Variants in MBD5 observed in about 807,000 individuals in gnomAD.
MBD5 encodes methyl-CpG binding domain protein 5.
In MBD5, 13 loss-of-function variants were observed where a neutral mutation model predicts 117.3. The observed-to-expected ratio is 0.11, with a 90% CI of 0.07 to 0.18. MBD5 has a LOEUF of 0.18. MBD5 is among the 10% of genes least tolerant of loss of function. The pLI, the probability that MBD5 is intolerant of heterozygous loss-of-function variation, is 1.00. For missense variants in MBD5, 1,879 were observed against 2,093.8 expected (o/e 0.90, Z 2.00); for synonymous variants, 727 against 766.4 (o/e 0.95, Z 0.85).
chr2:148,330,043 G>GCC (rs1189961812), intron 3 of MBD5, among the ~76,000 whole-genome samples: 187 of 7,846 alleles, frequency 0.024, 11 homozygotes, highest in African/African-American at 0.082. Context: ...ACCCCCCCCC[G>GCC]CCCCCCCCAC....
intron 2 of MBD5, among the ~76,000 whole-genome samples, chr2:148,187,826 G>A (rs1408626366): frequency 1.3e-5 from 2 of 151,962 alleles, no homozygotes; most frequent in Non-Finnish European, 2.9e-5. Context: ...ATGGAAACTC[G>A]ATCTCTTCAG....
At chr2:148,075,787 G>A (rs1695494477) in intron 1 of MBD5, among the ~76,000 whole-genome samples, 1 of 152,012 alleles carries the variant, frequency 6.6e-6, no homozygotes, top group Non-Finnish European at 1.5e-5. Context: ...TACAGTTTCT[G>A]TAACTGTAGT....
intron 1 of MBD5, among the ~76,000 whole-genome samples, chr2:148,166,355 G>C (rs147465327): frequency 6.6e-6 from 1 of 152,110 alleles, no homozygotes; most frequent in Non-Finnish European, 1.5e-5. Context: ...TGCTGCTCTG[G>C]GTAGGATTTG....
At chr2:148,356,727 C>T (rs900092517) in intron 4 of MBD5, among the ~76,000 whole-genome samples, 2 of 152,060 alleles carry the variant, frequency 1.3e-5, no homozygotes, top group African/African-American at 2.4e-5. Context: ...TTCCAACTCT[C>T]CATTATATAA....
chr2:148,336,666 C>A (rs941035532), intron 3 of MBD5, among the ~76,000 whole-genome samples: 17 of 152,210 alleles, frequency 1.1e-4, no homozygotes, highest in African/African-American at 4.1e-4. Flanking sequence ...GGATTACAGA[C>A]ATGAGCCACC....
chr2:148,416,790 T>C (rs1002559385), intron 4 of MBD5, among the ~76,000 whole-genome samples: 2 of 152,190 alleles, frequency 1.3e-5, no homozygotes, highest in Non-Finnish European at 2.9e-5. Context: ...CTCATCTGAG[T>C]ATCCAATGTT....
At chr2:148,150,231 G>C (rs1445754668) in intron 1 of MBD5, among the ~76,000 whole-genome samples, 4 of 148,688 alleles carry the variant, frequency 2.7e-5, no homozygotes, top group Admixed American at 6.8e-5. Flanking sequence ...TCTCAGGTTT[G>C]TCAAAGATCA....
intron 4 of MBD5, among the ~76,000 whole-genome samples, chr2:148,376,080 A>C (rs1204510212): frequency 6.6e-6 from 1 of 151,024 alleles, no homozygotes; most frequent in Non-Finnish European, 1.5e-5. Context: ...ACACATACTC[A>C]GAATGATAAT....
intron 4 of MBD5, among the ~76,000 whole-genome samples, chr2:148,348,248 C>T (rs994395168): frequency 2.0e-5 from 3 of 151,850 alleles, no homozygotes; most frequent in Non-Finnish European, 4.4e-5. Context: ...AACTTTAGCC[C>T]GTACCTGTTC....
intron 1 of MBD5, among the ~76,000 whole-genome samples, chr2:148,115,629 A>G (rs1035798700): frequency 3.9e-5 from 6 of 152,052 alleles, no homozygotes; most frequent in Non-Finnish European, 1.5e-5. Flanking sequence ...AGAATTTTGC[A>G]TACTAAGAAT....
intron 2 of MBD5, among the ~76,000 whole-genome samples, chr2:148,224,509 ATTTTTTTTTTTT>A (rs34659671): frequency 1.2e-4 from 7 of 58,136 alleles, no homozygotes; most frequent in Admixed American, 2.3e-4. Context: ...CGCCTGGCTA[ATTTTTTTTTTTT>A]TTTTTTTTTT....
chr2:148,412,218 G>T (rs994752080), intron 4 of MBD5, among the ~76,000 whole-genome samples: 12 of 151,568 alleles, frequency 7.9e-5, no homozygotes, highest in African/African-American at 2.9e-4. Flanking sequence ...GTATGTCTCT[G>T]TCTTGGTACC....
intron 1 of MBD5, among the ~76,000 whole-genome samples, chr2:148,088,246 C>T (rs1239596559): frequency 6.6e-6 from 1 of 151,936 alleles, no homozygotes; most frequent in Non-Finnish European, 1.5e-5. Context: ...ATTGTTATTC[C>T]TGAGGAAGAA....
At chr2:148,267,778 G>T (rs1700891614) in intron 3 of MBD5, among the ~76,000 whole-genome samples, 1 of 151,610 alleles carries the variant, frequency 6.6e-6, no homozygotes, top group Non-Finnish European at 1.5e-5. Flanking sequence ...ACTTGGGGTA[G>T]GTATCTAATT....
At chr2:148,326,268 T>C (rs1335989891) in intron 3 of MBD5, among the ~76,000 whole-genome samples, 1 of 152,184 alleles carries the variant, frequency 6.6e-6, no homozygotes, top group Non-Finnish European at 1.5e-5. Context: ...ATGTGGTAAA[T>C]TTTGGAATAG....
In MBD5 at chr2:148,445,275, A is replaced by T. The variant is rs191990876; in HGVS notation, c.-556-12928A>T. Among the ~76,000 whole-genome samples, 57 of 150,882 alleles carry T rather than the reference A, an allele frequency of 3.8e-4. 2 individuals carry two copies. Among genetic ancestry groups the T allele is most frequent in the Non-Finnish European group, 6.9e-4 (47 of 67,942 alleles). On this transcript the variant is annotated intron_variant, in intron 4 of 13. Coordinates refer to ENST00000642680, the MANE Select transcript of MBD5 (RefSeq NM_001378120.1). ...TACATTAGGTGTATCTCCTAATGCT[A>T]TCCCTCCCCGCTCCCCCCACCCCAT...
chr2:148,180,070 A>C (rs545899137), intron 2 of MBD5, among the ~76,000 whole-genome samples: 1 of 151,838 alleles, frequency 6.6e-6, no homozygotes, highest in South Asian at 2.1e-4. Flanking sequence ...GAGTGCAAGT[A>C]TTTAGAGTCT....
At chr2:148,408,168 G>A (rs753035365) in intron 4 of MBD5, among the ~76,000 whole-genome samples, 3 of 152,086 alleles carry the variant, frequency 2.0e-5, no homozygotes, top group East Asian at 1.9e-4. Context: ...CCTTCAATTC[G>A]AAATAAAGAA....
intron 1 of MBD5, among the ~76,000 whole-genome samples, chr2:148,115,491 G>T (rs758668746): frequency 5.3e-5 from 8 of 152,150 alleles, no homozygotes; most frequent in Non-Finnish European, 1.2e-4. Context: ...AAGGTATTTA[G>T]TATGGGTACC....
Sources: gnomAD v4.1 joint callset for allele counts (sites outside exome capture counted in the v4.1 genomes callset) on GRCh38, gnomAD v4.1.1 for gene constraint, MANE v1.5 for transcripts, NCBI Gene and HGNC (gene_info 2026-07-23, HGNC 2026-07-21) for gene names.